Variants in TCERG1L observed in about 807,000 individuals in gnomAD.
TCERG1L encodes the protein transcription elongation regulator 1 like.
In TCERG1L, 37 loss-of-function variants were observed where a neutral mutation model predicts 56.3. The ratio of observed to expected loss-of-function variants is 0.66; its 90% confidence interval spans 0.51 to 0.87. The LOEUF (loss-of-function observed/expected upper bound fraction) is 0.87. Among genes scored for constraint, TCERG1L ranks in the 40% least tolerant of loss-of-function variants. The probability of loss-of-function intolerance (pLI) is 0.00; values close to 1 mark genes in which losing one functional copy is unlikely to be tolerated. For synonymous variants in TCERG1L, 324 were observed against 326.3 expected, an observed-to-expected ratio of 0.99 and a Z score of 0.08; for missense variants, 799 against 774.2, an observed-to-expected ratio of 1.03 and a Z score of -0.38.
chr10:131,160,134 C>G (rs528165621), intron 6 of TCERG1L, among the ~76,000 whole-genome samples: 4 of 152,196 alleles, frequency 2.6e-5, no homozygotes, highest in African/African-American at 9.6e-5. Context: ...GCAGTGTGCT[C>G]CCAGCGTGAA....
At chr10:131,222,848 C>T (rs547164414) in intron 4 of TCERG1L, among the ~76,000 whole-genome samples, 16 of 152,264 alleles carry the variant, frequency 1.1e-4, no homozygotes, top group African/African-American at 3.6e-4. Context: ...GGGGCCTCTC[C>T]CAGCCCCAGC....
intron 4 of TCERG1L, among the ~76,000 whole-genome samples, chr10:131,216,257 T>A (rs1845667935): frequency 6.6e-6 from 1 of 151,946 alleles, no homozygotes; most frequent in Non-Finnish European, 1.5e-5. Context: ...GAGAAGTGGG[T>A]CAGGTGTAAG....
At chr10:131,110,204 CCAGA>C (rs1845397182) in intron 9 of TCERG1L, among the ~76,000 whole-genome samples, 1 of 152,172 alleles carries the variant, frequency 6.6e-6, no homozygotes, top group Non-Finnish European at 1.5e-5. Flanking sequence ...AAAGTGTTTT[CCAGA>C]TCAAGTGGCA....
chr10:131,147,989 C>A (rs1354393414), intron 6 of TCERG1L, among the ~76,000 whole-genome samples: 1 of 152,250 alleles, frequency 6.6e-6, no homozygotes, highest in African/African-American at 2.4e-5. Context: ...GTTGGCAACC[C>A]TGGGCAGACC....
chr10:131,249,017 C>T (rs2133530468), intron 4 of TCERG1L, among the ~76,000 whole-genome samples: 1 of 152,316 alleles, frequency 6.6e-6, no homozygotes, highest in East Asian at 1.9e-4. Context: ...GGCGATGCCT[C>T]TGACTTGGGG....
At position 131,311,661 on chromosome 10, in the gene TCERG1L, G is replaced by C. The variant is rs1443046907; in HGVS notation, c.-26C>G. ...CCTACATCCCCGCGCTGACGGCGGC[G>C]GCGGGGGCGGCGGGCGCCCGAGATG... On this transcript the variant is annotated 5_prime_UTR_variant, in exon 1 of 12. Transcript: ENST00000368642. The surrounding 1 kb of genome is among the most constrained non-coding windows in gnomAD (Gnocchi z 4.0). 10 of 1,080,360 alleles carry C rather than the reference G, an allele frequency of 9.3e-6. No homozygotes were observed. Among genetic ancestry groups the C allele is most frequent in the Non-Finnish European group, 1.1e-5 (10 of 887,572 alleles). 66.9% of individuals were successfully genotyped at this position (1,080,360 alleles called of 1,614,324 possible). A position where few individuals can be genotyped will look rare whatever the true frequency, so the allele number is the denominator to read the frequency against.
At chr10:131,094,427 C>T (rs1043638839) in intron 11 of TCERG1L, among the ~76,000 whole-genome samples, 6 of 152,222 alleles carry the variant, frequency 3.9e-5, no homozygotes, top group Admixed American at 3.3e-4. Flanking sequence ...AACTTAATAG[C>T]TTCTGAAATA....
At chr10:131,203,309 C>T (rs114977834) in intron 4 of TCERG1L, among the ~76,000 whole-genome samples, 3,438 of 45,214 alleles carry the variant, frequency 0.076, 144 homozygotes, top group African/African-American at 0.2. Context: ...AGTGAGACTC[C>T]GTCTCAAAAA....
At chr10:131,160,090 C>G (rs754038576) in intron 6 of TCERG1L, among the ~76,000 whole-genome samples, 45 of 152,154 alleles carry the variant, frequency 3.0e-4, no homozygotes, top group Non-Finnish European at 6.5e-4. Context: ...TGGTACTGCA[C>G]AGGTCCCAGC....
chr10:131,188,671 T>C (rs546902320), intron 4 of TCERG1L, among the ~76,000 whole-genome samples: 24 of 152,276 alleles, frequency 1.6e-4, no homozygotes, highest in African/African-American at 5.3e-4. Context: ...TTTTCGCATG[T>C]GTAAATTGTA....
At chr10:131,162,782 A>T (rs1845991758) in intron 6 of TCERG1L, 1 of 199,660 alleles carries the variant, frequency 5.0e-6, no homozygotes, top group Non-Finnish European at 1.0e-5. Context: ...TTCAGTTACG[A>T]TTCTTCTTGG....
intron 7 of TCERG1L, among the ~76,000 whole-genome samples, chr10:131,139,861 C>T (rs374147943): frequency 4.1e-4 from 62 of 151,394 alleles, no homozygotes; most frequent in South Asian, 3.6e-3. Flanking sequence ...TGTGTCTGTG[C>T]GTGTATATAT....
At chr10:131,285,532 G>GAA (rs1290596934) in intron 3 of TCERG1L, among the ~76,000 whole-genome samples, 2 of 37,918 alleles carry the variant, frequency 5.3e-5, no homozygotes, top group African/African-American at 1.3e-4. Flanking sequence ...AAGAGAGAAA[G>GAA]AAAAGAAAAG....
chr10:131,235,341 G>A (rs937610209), intron 4 of TCERG1L, among the ~76,000 whole-genome samples: 2 of 152,272 alleles, frequency 1.3e-5, no homozygotes, highest in Middle Eastern at 3.4e-3. Context: ...ATGGCTCTTC[G>A]TTGCCAGTGG....
chr10:131,180,956 G>A (rs28578423), intron 4 of TCERG1L, among the ~76,000 whole-genome samples: 69,451 of 151,544 alleles, frequency 0.46, 18,946 homozygotes, highest in South Asian at 0.69. Flanking sequence ...TTGAAGGGAA[G>A]TCGCATCCCT....
At position 131,118,153 on chromosome 10, in the gene TCERG1L, T is replaced by C. The variant is rs1256608811; in HGVS notation, c.1260-1219A>G. Reference sequence around the variant, plus strand: ...ACCACCCATTTGAGAGCTCCCTTATTTTCAGCTGCACTTAGGTCAACCTCA... The same window carrying C: ...ACCACCCATTTGAGAGCTCCCTTATCTTCAGCTGCACTTAGGTCAACCTCA... On this transcript the variant is annotated intron_variant, in intron 8 of 11. Transcript: ENST00000368642. This position sits in a 1 kb window ranked among gnomAD's most constrained non-coding sequence, Gnocchi z 4.2. Among the ~76,000 whole-genome samples, 1 of 152,172 alleles carries C rather than the reference T, an allele frequency of 6.6e-6. No individual in the cohort carries two copies. The highest frequency in any genetic ancestry group is 2.4e-5 in the African/African-American group (1 of 41,448).
intron 4 of TCERG1L, among the ~76,000 whole-genome samples, chr10:131,253,729 G>A (rs1333484301): frequency 6.6e-6 from 1 of 152,164 alleles, no homozygotes; most frequent in African/African-American, 2.4e-5. Flanking sequence ...ACACGCCAGA[G>A]CATCGTTGAA....
At chr10:131,216,407 G>A (rs1042862474) in intron 4 of TCERG1L, among the ~76,000 whole-genome samples, 1 of 152,170 alleles carries the variant, frequency 6.6e-6, no homozygotes, top group Non-Finnish European at 1.5e-5. Flanking sequence ...CTACAGTGAG[G>A]CCTTCAGTTT....
intron 8 of TCERG1L, among the ~76,000 whole-genome samples, chr10:131,125,207 A>AGATGATGATGATGGT (rs545620568): frequency 0.21 from 14,986 of 70,594 alleles, 1,460 homozygotes; most frequent in East Asian, 0.59. Context: ...ATGGTGATGA[A>AGATGATGATGATGGT]CATGATGATG....
Sources: gnomAD v4.1 joint callset for allele counts (sites outside exome capture counted in the v4.1 genomes callset) on GRCh38, gnomAD v4.1.1 for gene constraint, Gnocchi (gnomAD v3.1) non-coding constraint, MANE v1.5 for transcripts, NCBI Gene and HGNC (gene_info 2026-07-23, HGNC 2026-07-21) for gene names.